Variants in PDE8B observed in about 807,000 individuals in gnomAD.
PDE8B encodes the protein phosphodiesterase 8B, also known as high affinity cAMP-specific and IBMX-insensitive 3',5'-cyclic phosphodiesterase 8B.
In PDE8B, 26 loss-of-function variants were observed where a neutral mutation model predicts 101.3. The ratio of observed to expected loss-of-function variants is 0.26; its 90% CI spans 0.19 to 0.36. PDE8B has a LOEUF of 0.36. Ranked by LOEUF, PDE8B falls within the 10% of genes least tolerant of loss-of-function variation. The pLI is 1.00. For synonymous variants in PDE8B, 424 were observed against 429.3 expected (o/e 0.99, Z 0.15); for missense variants, 810 against 1,163.1 (o/e 0.70, Z 4.42).
the PDE8B span, among the ~76,000 whole-genome samples, chr5:77,167,228 A>G: frequency 1.3e-5 from 2 of 152,228 alleles, no homozygotes; most frequent in Non-Finnish European, 2.9e-5. Flanking sequence ...TGGTGTATTC[A>G]TAAGTGTGGC....
At chr5:77,222,960 A>G (rs1356000909) in intron 1 of PDE8B, among the ~76,000 whole-genome samples, 4 of 152,212 alleles carry the variant, frequency 2.6e-5, no homozygotes, top group Admixed American at 2.6e-4. Context: ...GATGGCTGAG[A>G]ATACTCTTGG....
intron 2 of PDE8B, among the ~76,000 whole-genome samples, 163 bp downstream of exon 2, chr5:77,312,216 A>G (rs1401693525): frequency 7.2e-6 from 1 of 138,584 alleles, no homozygotes; most frequent in Non-Finnish European, 1.5e-5. Flanking sequence ...CGATTCTCCC[A>G]CCTCAGCTAC....
At chr5:77,386,313 T>C (rs1008862386) in intron 10 of PDE8B, among the ~76,000 whole-genome samples, 11 of 152,186 alleles carry the variant, frequency 7.2e-5, no homozygotes, top group African/African-American at 2.2e-4. Context: ...CAGAGCTGAG[T>C]TCAAGTCCTG....
intron 8 of PDE8B, among the ~76,000 whole-genome samples, chr5:77,350,775 A>G (rs1283326887): frequency 6.6e-6 from 1 of 152,212 alleles, no homozygotes; most frequent in African/African-American, 2.4e-5. Context: ...CCTCCAAAGA[A>G]TCCCTTGACC....
rs150263048 is a variant in PDE8B, at chr5:77,285,942, G to A, written c.340-26052G>A. ...TTCTAAAATTCTCATTTGTTCTTAC[G>A]TTTTCTATTTTTGGCTGAGAGTTCT... On this transcript the variant is annotated intron_variant, in intron 1 of 21. Transcript: ENST00000264917. 1.8e-3 allele frequency among the ~76,000 whole-genome samples: 271 copies of A among 151,842 alleles called. 1 individual carries two copies. The highest frequency in any genetic ancestry group is 5.7e-3 in the African/African-American group (236 of 41,426).
chr5:77,113,175 A>G, the PDE8B span: 1 of 152,186 alleles, frequency 6.6e-6, no homozygotes, highest in Non-Finnish European at 1.5e-5. Context: ...AACTACTTTA[A>G]AGTTCATATG....
chr5:77,293,600 A>G (rs1767867841), intron 1 of PDE8B, among the ~76,000 whole-genome samples: 2 of 152,328 alleles, frequency 1.3e-5, no homozygotes, highest in East Asian at 3.9e-4. Context: ...CTAGCCATTT[A>G]TTAGCTTGTA....
At chr5:77,289,966 A>G (rs369944331) in intron 1 of PDE8B, among the ~76,000 whole-genome samples, 2 of 152,188 alleles carry the variant, frequency 1.3e-5, no homozygotes, top group Non-Finnish European at 2.9e-5. Flanking sequence ...CACCTATTTC[A>G]TTTCCTTATC....
At chr5:77,276,762 A>G (rs1296091463) in intron 1 of PDE8B, among the ~76,000 whole-genome samples, 1 of 152,230 alleles carries the variant, frequency 6.6e-6, no homozygotes, top group African/African-American at 2.4e-5. Context: ...ATAAAATTGT[A>G]AAATACTGGA....
rs1407436569 is a variant in PDE8B, at chr5:77,427,680, T to TA, written c.*1130dup. ...CTATTTTAAGCTATTAATTGTATGCTAAAAGCTTCTAAAGCACAAGTGCAT... is the reference window on the plus strand; with the variant it reads ...CTATTTTAAGCTATTAATTGTATGCTAAAAAGCTTCTAAAGCACAAGTGCAT... On this transcript the variant is annotated 3_prime_UTR_variant, in exon 22 of 22. Coordinates refer to ENST00000264917, the MANE Select transcript of PDE8B (RefSeq NM_003719.5). The TA allele has an allele frequency of 6.6e-6, 1 of 152,208 alleles. No homozygotes were observed. The highest frequency in any genetic ancestry group is 2.4e-5 in the African/African-American group (1 of 41,466). 9.4% of individuals were successfully genotyped at this position (152,208 alleles called of 1,614,324 possible). A position where few individuals can be genotyped will look rare whatever the true frequency, so the allele number is the denominator to read the frequency against.
intron 1 of PDE8B, among the ~76,000 whole-genome samples, chr5:77,254,678 G>T (rs1175055859): frequency 2.0e-5 from 3 of 152,112 alleles, no homozygotes; most frequent in Non-Finnish European, 2.9e-5. Flanking sequence ...GAAATGAAAA[G>T]AATCATAATT....
chr5:77,184,571 GA>G, the PDE8B span, among the ~76,000 whole-genome samples: 18 of 152,250 alleles, frequency 1.2e-4, no homozygotes, highest in Admixed American at 5.2e-4. Context: ...AATATCACAT[GA>G]ATTCCTAAAA....
At chr5:77,388,747 C>CT (rs1015678948) in intron 10 of PDE8B, among the ~76,000 whole-genome samples, 46 of 152,096 alleles carry the variant, frequency 3.0e-4, no homozygotes, top group African/African-American at 1.1e-3. Context: ...GGAATGCTGC[C>CT]TTTTTTTCAG....
chr5:77,270,695 A>G lies in PDE8B; in HGVS notation c.340-41299A>G, dbSNP rs566364788. 2.6e-5 allele frequency among the ~76,000 whole-genome samples: 4 copies of G among 152,324 alleles called. No individual in the cohort carries two copies. The South Asian group carries it at 8.3e-4, about 32-fold the overall frequency. On this transcript the variant is annotated intron_variant, in intron 1 of 21. Coordinates refer to ENST00000264917, the MANE Select transcript of PDE8B (RefSeq NM_003719.5). ...GTGATTTTTCCGGGCTCTTGTTATT[A>G]AACCTTGGCCCCACACTCTTAATAT... is the stretch of plus-strand genomic sequence containing the variant.
At chr5:77,149,506 T>G in the PDE8B span, among the ~76,000 whole-genome samples, 1 of 152,290 alleles carries the variant, frequency 6.6e-6, no homozygotes, top group African/African-American at 2.4e-5. Flanking sequence ...ACAGGGAATG[T>G]CTCCATTTAT....
At chr5:77,210,342 G>A (rs535032478), upstream of PDE8B, 32 of 151,682 alleles carry the variant, frequency 2.1e-4, no homozygotes, top group South Asian at 5.9e-3. The surrounding 1 kb of genome is among the most constrained non-coding windows in gnomAD (Gnocchi z 4.9). Context: ...GGCACGCTCT[G>A]CCCTGTCGGG....
At chr5:77,340,265 T>G (rs1778964559) in intron 6 of PDE8B, among the ~76,000 whole-genome samples, 1 of 152,196 alleles carries the variant, frequency 6.6e-6, no homozygotes, top group Non-Finnish European at 1.5e-5. Flanking sequence ...GAATCAAAAT[T>G]TTTGGTGGGC....
At chr5:77,257,750 G>A (rs1052144582) in intron 1 of PDE8B, among the ~76,000 whole-genome samples, 2 of 152,048 alleles carry the variant, frequency 1.3e-5, no homozygotes, top group Non-Finnish European at 2.9e-5. Flanking sequence ...GTGGTTTGCT[G>A]CACCTATCAA....
rs1798426308 is a variant in PDE8B at position 77,427,873 on chromosome 5, A to G, written c.*1319A>G. On this transcript the variant is annotated 3_prime_UTR_variant, in exon 22 of 22. Coordinates refer to ENST00000264917, the MANE Select transcript of PDE8B (RefSeq NM_003719.5). The stretch of plus-strand genomic sequence containing the variant: ...ACTTCATGCTGCATTTTTAAAAGGT[A>G]TAAACAAACAGAGACTGAATTAATT... The G allele has an allele frequency of 6.6e-6, 1 of 152,236 alleles. No homozygotes were observed. The highest frequency in any genetic ancestry group is 1.5e-5 in the Non-Finnish European group (1 of 68,052). 9.4% of individuals were successfully genotyped at this position (152,236 alleles called of 1,614,324 possible). A position where few individuals can be genotyped will look rare whatever the true frequency, so the allele number is the denominator to read the frequency against.
Sources: allele counts gnomAD v4.1 joint callset (sites outside exome capture counted in the v4.1 genomes callset), GRCh38; gene constraint gnomAD v4.1.1; non-coding constraint Gnocchi (gnomAD v3.1); transcripts MANE v1.5; gene names NCBI Gene and HGNC (gene_info 2026-07-23, HGNC 2026-07-21).